Variants in SLC39A8 observed in about 807,000 individuals in gnomAD.
The protein encoded by SLC39A8 is solute carrier family 39 member 8.
Under a neutral mutation model 40.4 loss-of-function variants are expected in SLC39A8, and 15 were observed. The observed-to-expected ratio is 0.37, with a 90% CI of 0.25 to 0.57. SLC39A8 has a LOEUF of 0.57. Ranked by LOEUF, SLC39A8 falls within the 20% of genes least tolerant of loss-of-function variation. SLC39A8 has a pLI of 0.75. For missense variants in SLC39A8, 472 were observed against 558.8 expected, an observed-to-expected ratio of 0.84 and a Z score of 1.57; for synonymous variants, 223 against 221.6, an observed-to-expected ratio of 1.01 and a Z score of -0.06.
chr4:102,307,734 C>T, intron 3 of SLC39A8, 129 bp from the exon 4 acceptor site: 1 of 843,416 alleles, frequency 1.2e-6, no homozygotes, highest in Non-Finnish European at 1.9e-6. Context: ...AGAACAAAAT[C>T]TACTCAATGA....
At chr4:102,282,038 T>A (rs1200419433) in intron 6 of SLC39A8, among the ~76,000 whole-genome samples, 1 of 152,176 alleles carries the variant, frequency 6.6e-6, no homozygotes, top group Admixed American at 6.5e-5. Context: ...CTGCCCTATA[T>A]AGATATTATC....
chr4:102,273,428 G>C (rs1024069221), intron 6 of SLC39A8, among the ~76,000 whole-genome samples: 1 of 152,236 alleles, frequency 6.6e-6, no homozygotes, highest in African/African-American at 2.4e-5. Context: ...ATCTCTGGCA[G>C]AAAGGCAGCC....
chr4:102,342,449 G>A (rs899584487), intron 2 of SLC39A8, among the ~76,000 whole-genome samples: 38 of 152,180 alleles, frequency 2.5e-4, no homozygotes, highest in Admixed American at 2.5e-3. Context: ...GGTGAACTGA[G>A]ATCGTGCCAT....
chr4:102,272,360 A>AC (rs1285401940), intron 6 of SLC39A8, among the ~76,000 whole-genome samples: 2 of 151,624 alleles, frequency 1.3e-5, no homozygotes, highest in Admixed American at 6.6e-5. Flanking sequence ...GATGGTGTGA[A>AC]CCCGGGAGAC....
intron 6 of SLC39A8, among the ~76,000 whole-genome samples, chr4:102,302,428 G>A (rs1365950971): frequency 1.3e-5 from 2 of 151,998 alleles, no homozygotes; most frequent in South Asian, 2.1e-4. Flanking sequence ...TAGACACATG[G>A]TATAAGGAAG....
At chr4:102,269,218 A>G (rs1222318124) in intron 6 of SLC39A8, among the ~76,000 whole-genome samples, 1 of 152,168 alleles carries the variant, frequency 6.6e-6, no homozygotes, top group Non-Finnish European at 1.5e-5. Flanking sequence ...CAGAGCAACC[A>G]TCTAAGAGGT....
intron 2 of SLC39A8, among the ~76,000 whole-genome samples, chr4:102,332,541 T>G (rs577742387): frequency 8.5e-5 from 13 of 152,286 alleles, no homozygotes; most frequent in Non-Finnish European, 1.5e-4. Context: ...TGTGGAGAAA[T>G]GGGAAAGCTT....
At chr4:102,268,663 G>A (rs1295020356) in intron 6 of SLC39A8, among the ~76,000 whole-genome samples, 1 of 152,214 alleles carries the variant, frequency 6.6e-6, no homozygotes, top group South Asian at 2.1e-4. Flanking sequence ...CAGGTACCCT[G>A]TGGAGGGTTT....
At chr4:102,276,235 C>A (rs1417330601) in intron 6 of SLC39A8, among the ~76,000 whole-genome samples, 1 of 151,988 alleles carries the variant, frequency 6.6e-6, no homozygotes, top group East Asian at 1.9e-4. Context: ...AGGTAGACTG[C>A]TAGCCAGACT....
intron 2 of SLC39A8, among the ~76,000 whole-genome samples, chr4:102,327,717 T>C (rs1227005510): frequency 6.6e-6 from 1 of 152,204 alleles, no homozygotes; most frequent in South Asian, 2.1e-4. Flanking sequence ...TAATAAGTCC[T>C]TGGACACATA....
chr4:102,302,690 C>A (rs984808363), intron 6 of SLC39A8, among the ~76,000 whole-genome samples: 1 of 151,944 alleles, frequency 6.6e-6, no homozygotes, highest in Non-Finnish European at 1.5e-5. Flanking sequence ...AGGAACTGAG[C>A]ATCTTTGGGT....
In SLC39A8 at chr4:102,304,602, AAAG is replaced by A. The variant is rs1734069322; in HGVS notation, c.676-124_676-122del. The A allele has an allele frequency of 4.1e-6, 3 of 731,852 alleles. No individual in the cohort carries two copies. In the South Asian group the frequency reaches 7.1e-5, roughly 17 times the overall value. 45.3% of individuals were successfully genotyped at this position (731,852 alleles called of 1,614,324 possible). A position where few individuals can be genotyped will look rare whatever the true frequency, so the allele number is the denominator to read the frequency against. ...AAAATTGTATGTCTATTCTATGTGT[AAAG>A]AAGTATTTTTAGATATATAAAATTT... On this transcript the variant is annotated intron_variant, in intron 5 of 8. Coordinates refer to ENST00000356736, the MANE Select transcript of SLC39A8 (RefSeq NM_001135146.2).
chr4:102,307,357 T>C (rs1444679453), intron 4 of SLC39A8, 79 bp downstream of exon 4: 52 of 1,501,418 alleles, frequency 3.5e-5, no homozygotes, highest in African/African-American at 7.0e-5. Context: ...GTAAGAATTA[T>C]GGAGGCTAAA....
intron 2 of SLC39A8, among the ~76,000 whole-genome samples, chr4:102,317,214 AT>A (rs757941604): frequency 6.6e-6 from 1 of 152,166 alleles, no homozygotes; most frequent in Non-Finnish European, 1.5e-5. Context: ...AAAATGTCAT[AT>A]TTTGTTACAA....
chr4:102,335,260 T>C (rs1310134726), intron 2 of SLC39A8, among the ~76,000 whole-genome samples: 1 of 152,152 alleles, frequency 6.6e-6, no homozygotes, highest in African/African-American at 2.4e-5. Flanking sequence ...ATAGAACATA[T>C]GATGAATATT....
intron 2 of SLC39A8, among the ~76,000 whole-genome samples, chr4:102,334,922 AAAG>A (rs1412685469): frequency 2.6e-5 from 4 of 152,322 alleles, no homozygotes; most frequent in Admixed American, 6.5e-5. Flanking sequence ...AATGGTGTAT[AAAG>A]AAGAACTGAG....
At chr4:102,319,384 G>T (rs997604756) in intron 2 of SLC39A8, among the ~76,000 whole-genome samples, 3 of 152,098 alleles carry the variant, frequency 2.0e-5, no homozygotes, top group Non-Finnish European at 4.4e-5. Flanking sequence ...TTCTCTCCTT[G>T]ACTAAACTGC....
downstream of SLC39A8, among the ~76,000 whole-genome samples, chr4:102,261,486 T>G (rs1263154149): frequency 2.6e-5 from 4 of 152,194 alleles, no homozygotes; most frequent in Admixed American, 6.5e-5. Context: ...CAGAGACTAT[T>G]AAAATCGTCG....
intron 6 of SLC39A8, among the ~76,000 whole-genome samples, chr4:102,275,395 A>G (rs866673081): frequency 6.6e-6 from 1 of 152,212 alleles, no homozygotes; most frequent in South Asian, 2.1e-4. Context: ...AGGGCATTAC[A>G]TAATGGTAAA....
Sources: allele counts gnomAD v4.1 joint callset (sites outside exome capture counted in the v4.1 genomes callset), GRCh38; gene constraint gnomAD v4.1.1; transcripts MANE v1.5; gene names NCBI Gene and HGNC (gene_info 2026-07-23, HGNC 2026-07-21).